The following ESR1 variants were observed in gnomAD, a reference collection of about 807,000 sequenced individuals.
The protein encoded by ESR1 is estrogen receptor 1, also known as estrogen receptor.
Under a neutral mutation model 52.7 loss-of-function variants are expected in ESR1, and 12 were observed. The ratio of observed to expected loss-of-function variants is 0.23; its 90% CI spans 0.15 to 0.37. The LOEUF (loss-of-function observed/expected upper bound fraction) is 0.37, where lower values mean the gene tolerates loss of function less well. Ranked by LOEUF, ESR1 falls within the 10% of genes least tolerant of loss-of-function variation. The pLI is 1.00. For missense variants in ESR1, 584 were observed against 779.7 expected (o/e 0.75, Z 2.99); for synonymous variants, 305 against 316.8 (o/e 0.96, Z 0.39).
At position 151,985,530 on chromosome 6, in the gene ESR1, A is replaced by C. The variant is rs1562633002; in HGVS notation, c.1097-26126A>C. Among the ~76,000 whole-genome samples the C allele has an allele frequency of 2.6e-3, 345 of 134,850 alleles. 9 individuals are homozygous for C. The highest frequency in any genetic ancestry group is 0.01 in the African/African-American group (327 of 31,702). 88.5% of individuals were successfully genotyped at this position (134,850 alleles called of 152,430 possible). A position where few individuals can be genotyped will look rare whatever the true frequency, so the allele number is the denominator to read the frequency against. ...CTCAAAAAAAAAAAAAAAAAAAAAA[A>C]AAACACAAACAAAAAAAAAAAAGAA... On this transcript the variant is annotated intron_variant, in intron 4 of 7. Coordinates refer to ENST00000206249, the MANE Select transcript of ESR1 (RefSeq NM_000125.4).
intron 1 of ESR1, chr6:151,656,820 A>G (rs1158520650): frequency 7.9e-5 from 12 of 152,128 alleles, no homozygotes; most frequent in African/African-American, 2.7e-4. Flanking sequence ...GAATATTAAG[A>G]TGACTATGTA....
intron 1 of ESR1, among the ~76,000 whole-genome samples, chr6:151,678,760 C>G (rs1015092790): frequency 1.3e-5 from 2 of 151,184 alleles, no homozygotes; most frequent in Admixed American, 1.3e-4. Flanking sequence ...AATCTCAGCT[C>G]ACTGCAACCT....
intron 3 of ESR1, among the ~76,000 whole-genome samples, chr6:151,907,877 T>G (rs1441593400): frequency 6.6e-6 from 1 of 152,152 alleles, no homozygotes; most frequent in Non-Finnish European, 1.5e-5. Context: ...TCACAAACTG[T>G]GATATATAGA....
intron 3 of ESR1, among the ~76,000 whole-genome samples, chr6:151,928,845 A>G (rs1181223959): frequency 6.6e-6 from 1 of 151,884 alleles, no homozygotes; most frequent in Non-Finnish European, 1.5e-5. Flanking sequence ...GTGTTGTTCA[A>G]TCTCTAAATA....
intron 5 of ESR1, among the ~76,000 whole-genome samples, chr6:152,048,932 C>T (rs2128921145): frequency 6.6e-6 from 1 of 152,246 alleles, no homozygotes; most frequent in African/African-American, 2.4e-5. Flanking sequence ...AGAAAAACTT[C>T]ATAATTGCTG....
At position 151,708,375 on chromosome 6, in the gene ESR1, T is replaced by C. The variant is rs140886928; in HGVS notation, c.-71+6370T>C. On this transcript the variant is annotated intron_variant, in intron 2 of 2. Transcript: ENST00000404742. ...TCAACATATAAAAAAGTGCTGTCAT[T>C]ACAAATATTCTTAGATATATATTCT... Among the ~76,000 whole-genome samples the C allele has an allele frequency of 5.9e-3, 905 of 152,300 alleles. 5 individuals are homozygous for C. Among genetic ancestry groups the C allele is most frequent in the Non-Finnish European group, 0.011 (743 of 68,012 alleles).
At chr6:152,007,382 G>T (rs894261498) in intron 4 of ESR1, among the ~76,000 whole-genome samples, 1 of 152,000 alleles carries the variant, frequency 6.6e-6, no homozygotes, top group Non-Finnish European at 1.5e-5. Flanking sequence ...TCTGTGCTTG[G>T]TGATGAAGCT....
chr6:151,957,325 G>A (rs996478100), intron 4 of ESR1, among the ~76,000 whole-genome samples: 8 of 152,076 alleles, frequency 5.3e-5, no homozygotes, highest in African/African-American at 1.9e-4. Context: ...AATTTTTTAA[G>A]ACTATTACAT....
At chr6:152,012,740 T>C (rs1311393036) in intron 5 of ESR1, among the ~76,000 whole-genome samples, 1 of 152,204 alleles carries the variant, frequency 6.6e-6, no homozygotes, top group Non-Finnish European at 1.5e-5. Flanking sequence ...AATCTTGTCT[T>C]TGTGGGCTAC....
At chr6:151,894,554 G>C (rs1795178909) in intron 3 of ESR1, among the ~76,000 whole-genome samples, 1 of 152,126 alleles carries the variant, frequency 6.6e-6, no homozygotes, top group Admixed American at 6.5e-5. Context: ...ATCTTGAGTT[G>C]ATTTTTGTGT....
At chr6:151,759,937 A>C (rs1195773132) in intron 2 of ESR1, among the ~76,000 whole-genome samples, 1 of 152,224 alleles carries the variant, frequency 6.6e-6, no homozygotes, top group Non-Finnish European at 1.5e-5. Context: ...GGTAAAATTC[A>C]GAATATTATA....
At chr6:152,125,213 G>A in intron 6 of ESR1, 1 of 1,531,278 alleles carries the variant, frequency 6.5e-7, no homozygotes, top group Non-Finnish European at 8.8e-7. Context: ...ATGTTTTGCT[G>A]GTTGGTGATA....
rs562154500 is a variant in ESR1 at position 151,748,169 on chromosome 6, A to G, written c.-71+46164A>G. On this transcript the variant is annotated intron_variant, in intron 2 of 2. Coordinates refer to the ESR1 transcript ENST00000404742. ...TTGTCATAATGGGTATGAAGTGGTA[A>G]AACTACTGAAAAAAGTGACATATTC... 1.4e-4 allele frequency among the ~76,000 whole-genome samples: 22 copies of G among 152,316 alleles called. No homozygotes were observed. The South Asian group carries it at 4.4e-3, about 30-fold the overall frequency.
At chr6:152,074,690 A>G (rs1049780697) in intron 6 of ESR1, among the ~76,000 whole-genome samples, 1 of 152,132 alleles carries the variant, frequency 6.6e-6, no homozygotes, top group African/African-American at 2.4e-5. Flanking sequence ...TGGCTGTACC[A>G]TTTTCCATTT....
At chr6:151,672,162 A>G (rs1485486050) in intron 1 of ESR1, among the ~76,000 whole-genome samples, 3 of 151,470 alleles carry the variant, frequency 2.0e-5, no homozygotes, top group Non-Finnish European at 4.4e-5. Flanking sequence ...CAAAAAAATG[A>G]TAAGTATGTG....
At chr6:151,929,481 A>C (rs1275513666) in intron 3 of ESR1, among the ~76,000 whole-genome samples, 2 of 152,188 alleles carry the variant, frequency 1.3e-5, no homozygotes, top group Non-Finnish European at 2.9e-5. Flanking sequence ...TATTACTAGG[A>C]TAAATACCAA....
chr6:151,666,624 G>A (rs947170675), intron 1 of ESR1, among the ~76,000 whole-genome samples: 4 of 151,884 alleles, frequency 2.6e-5, no homozygotes, highest in African/African-American at 9.7e-5. Flanking sequence ...TGCAGCCAGA[G>A]CACCTTCACT....
chr6:152,094,291 C>T lies in ESR1; in HGVS notation c.1370-94C>T. ...GCTAGACTACTGTGCTGAGGAAGGG[C>T]ACTGGCTCATTGTTACATCCCATGA... is the stretch of plus-strand genomic sequence containing the variant. On this transcript the variant is annotated intron_variant, in intron 6 of 7. Transcript: ENST00000206249. This position sits in a 1 kb window ranked among gnomAD's most constrained non-coding sequence, Gnocchi z 4.6. 1 of 1,033,132 alleles carries T rather than the reference C, an allele frequency of 9.7e-7. No individual in the cohort carries two copies. The highest frequency in any genetic ancestry group is 1.5e-6 in the Non-Finnish European group (1 of 651,878). The allele number at this position is 1,033,132 out of a possible 1,614,324, so 64.0% of individuals were successfully genotyped here. A position where few individuals can be genotyped will look rare whatever the true frequency, so the allele number is the denominator to read the frequency against.
At chr6:151,809,689 C>T (rs1372544927) in intron 1 of ESR1, among the ~76,000 whole-genome samples, 1 of 152,212 alleles carries the variant, frequency 6.6e-6, no homozygotes, top group African/African-American at 2.4e-5. Flanking sequence ...TGGGGGTATT[C>T]AGTGTGCATC....
Sources: gnomAD v4.1 joint callset for allele counts (sites outside exome capture counted in the v4.1 genomes callset) on GRCh38, gnomAD v4.1.1 for gene constraint, Gnocchi (gnomAD v3.1) non-coding constraint, MANE v1.5 for transcripts, NCBI Gene and HGNC (gene_info 2026-07-23, HGNC 2026-07-21) for gene names.